NREP: variants seen among roughly 807,000 people sequenced by gnomAD.
NREP encodes the protein neuronal regeneration related protein, also known as neuronal regeneration-related protein.
In NREP, 5 loss-of-function variants were observed where a neutral mutation model predicts 8.6. That is an observed-to-expected ratio of 0.58 (90% CI 0.30 to 1.22). The LOEUF (loss-of-function observed/expected upper bound fraction) is 1.22, where lower values mean the gene tolerates loss of function less well. Among genes scored for constraint, NREP ranks in the 50% most tolerant of loss-of-function variants. The probability of loss-of-function intolerance (pLI) is 0.07; values close to 1 mark genes in which losing one functional copy is unlikely to be tolerated. For synonymous variants in NREP, 27 were observed against 28.0 expected (o/e 0.96, Z 0.11); for missense variants, 86 against 82.5 (o/e 1.04, Z -0.17).
upstream of NREP, among the ~76,000 whole-genome samples, chr5:111,759,122 G>A (rs1162400120): frequency 2.6e-5 from 4 of 152,210 alleles, no homozygotes; most frequent in East Asian, 5.8e-4. Flanking sequence ...TGGGTGGTGG[G>A]AGAGGGGAGA....
chr5:111,828,027 T>A (rs1752669202), intron 2 of NREP, among the ~76,000 whole-genome samples: 1 of 152,054 alleles, frequency 6.6e-6, no homozygotes, highest in African/African-American at 2.4e-5. Flanking sequence ...ATATATTTCC[T>A]TTAGAATTTT....
chr5:111,968,319 G>A (rs1046423261), intron 2 of NREP, among the ~76,000 whole-genome samples: 7 of 152,064 alleles, frequency 4.6e-5, no homozygotes, highest in Non-Finnish European at 8.8e-5. Context: ...ACATTTTCCA[G>A]TAAAACCTAT....
At chr5:111,837,280 G>C (rs1418321994) in intron 2 of NREP, among the ~76,000 whole-genome samples, 1 of 151,936 alleles carries the variant, frequency 6.6e-6, no homozygotes, top group Non-Finnish European at 1.5e-5. Flanking sequence ...GTAAGTCTGG[G>C]ATGTATTGCT....
intron 2 of NREP, among the ~76,000 whole-genome samples, chr5:111,804,454 G>A (rs367863943): frequency 1.3e-5 from 2 of 152,134 alleles, no homozygotes; most frequent in South Asian, 2.1e-4. Flanking sequence ...ATTATAATTT[G>A]AGTTTAGGTA....
intron 2 of NREP, among the ~76,000 whole-genome samples, chr5:111,768,705 A>C (rs1751143305): frequency 6.6e-6 from 1 of 152,080 alleles, no homozygotes; most frequent in Non-Finnish European, 1.5e-5. Context: ...TTCATTTTTT[A>C]TGGCTGTGTA....
At position 111,850,530 on chromosome 5, in the gene NREP, A is replaced by AT. The variant is rs1033287959; in HGVS notation, c.136-115024dup. The stretch of plus-strand genomic sequence containing the variant: ...TGTCTTTTCTTTCCAAGGCAATATT[A>AT]TTTTTTTTTCTACCTTGTCAGCCCC... On this transcript the variant is annotated intron_variant, in intron 2 of 3. Coordinates refer to the NREP transcript ENST00000395634. Among the ~76,000 whole-genome samples, 11 of 150,966 alleles carry AT rather than the reference A, an allele frequency of 7.3e-5. No individual in the cohort carries two copies. The South Asian group carries it at 1.7e-3, about 23-fold the overall frequency.
intron 2 of NREP, among the ~76,000 whole-genome samples, chr5:111,937,965 C>A (rs868342647): frequency 1.3e-5 from 2 of 152,064 alleles, no homozygotes; most frequent in African/African-American, 2.4e-5. Context: ...CTTGTGCTGA[C>A]GTTTGCACCC....
At chr5:111,731,973 A>G (rs1395170942) in intron 3 of NREP, 1 of 152,250 alleles carries the variant, frequency 6.6e-6, no homozygotes, top group Non-Finnish European at 1.5e-5. Context: ...TGCCCTGTAC[A>G]GGTATGAACA....
At chr5:111,947,456 T>C (rs964253259) in intron 2 of NREP, among the ~76,000 whole-genome samples, 2 of 152,000 alleles carry the variant, frequency 1.3e-5, no homozygotes, top group African/African-American at 2.4e-5. Flanking sequence ...TTCATGTTTT[T>C]ACATTTATAT....
intron 2 of NREP, among the ~76,000 whole-genome samples, chr5:111,965,849 A>G (rs9326846): frequency 0.37 from 56,009 of 151,936 alleles, 10,748 homozygotes; most frequent in South Asian, 0.56. Context: ...CCCAAATATT[A>G]CAAGTGCTTG....
chr5:111,894,932 G>T (rs1332554635), intron 2 of NREP, among the ~76,000 whole-genome samples: 1 of 152,178 alleles, frequency 6.6e-6, no homozygotes, highest in Non-Finnish European at 1.5e-5. Context: ...CAACATCAGA[G>T]AACTTATCTG....
intron 2 of NREP, among the ~76,000 whole-genome samples, chr5:111,877,890 C>T (rs990123680): frequency 2.6e-5 from 4 of 152,150 alleles, no homozygotes. Context: ...ACACATAGGG[C>T]CACACTGGAG....
chr5:111,738,339 C>T (rs934017251), intron 2 of NREP: 2 of 152,222 alleles, frequency 1.3e-5, no homozygotes, highest in African/African-American at 4.8e-5. Flanking sequence ...GCCTGAACTT[C>T]CATTCCATTC....
At chr5:111,846,419 G>GT (rs1753168991) in intron 2 of NREP, 1 of 37,744 alleles carries the variant, frequency 2.6e-5, no homozygotes, top group Non-Finnish European at 5.4e-5. Context: ...CTTTTTGTTT[G>GT]CTTTTTTTTT....
At chr5:111,973,144 G>A (rs957790700) in intron 2 of NREP, among the ~76,000 whole-genome samples, 2 of 152,180 alleles carry the variant, frequency 1.3e-5, no homozygotes, top group South Asian at 4.2e-4. Flanking sequence ...TCTTTCCTCT[G>A]TATTTTACTG....
At chr5:111,944,539 C>G (rs979356462) in intron 2 of NREP, among the ~76,000 whole-genome samples, 2 of 152,108 alleles carry the variant, frequency 1.3e-5, no homozygotes, top group African/African-American at 2.4e-5. Flanking sequence ...AACTCCTGAG[C>G]TCAAGCAGTC....
chr5:111,838,932 A>T (rs1041414225), intron 2 of NREP, among the ~76,000 whole-genome samples: 4 of 151,992 alleles, frequency 2.6e-5, no homozygotes, highest in African/African-American at 9.7e-5. Flanking sequence ...TTAATTAGAC[A>T]ATTAAAGTAT....
intron 2 of NREP, among the ~76,000 whole-genome samples, chr5:111,820,570 A>AT (rs562147643): frequency 2.6e-3 from 390 of 148,538 alleles, no homozygotes; most frequent in African/African-American, 8.7e-3. Context: ...GCTAGAGCTG[A>AT]TTTTTTTTTT....
chr5:111,888,202 A>C lies in NREP; in HGVS notation c.135+87072T>G, dbSNP rs552609727. Among the ~76,000 whole-genome samples the C allele has an allele frequency of 5.6e-4, 86 of 152,364 alleles. 1 individual carries two copies. The highest frequency in any genetic ancestry group is 5.6e-3 in the Admixed American group (85 of 15,308). On this transcript the variant is annotated intron_variant, in intron 2 of 3. Transcript: ENST00000395634. ...TATGAAGCATTAATGATTGCCAATA[A>C]TTATCTTTAGTAAGATGCAATATTT...
Sources: allele counts gnomAD v4.1 joint callset (sites outside exome capture counted in the v4.1 genomes callset), GRCh38; gene constraint gnomAD v4.1.1; transcripts MANE v1.5; gene names NCBI Gene and HGNC (gene_info 2026-07-23, HGNC 2026-07-21).